PTP4A3: variants seen among roughly 807,000 people sequenced by gnomAD.
PTP4A3 encodes protein tyrosine phosphatase type IVA 3.
Under a neutral mutation model 15.2 loss-of-function variants are expected in PTP4A3, and 9 were observed. That is an observed-to-expected ratio of 0.59 (90% CI 0.36 to 1.03). The LOEUF is 1.03. Among genes scored for constraint, PTP4A3 ranks in the 50% least tolerant of loss-of-function variants. The probability of loss-of-function intolerance (pLI) is 0.02; values close to 1 mark genes in which losing one functional copy is unlikely to be tolerated. For missense variants in PTP4A3, 234 were observed against 252.1 expected, an observed-to-expected ratio of 0.93 and a Z score of 0.49; for synonymous variants, 95 against 102.0, an observed-to-expected ratio of 0.93 and a Z score of 0.41.
chr8:141,395,982 C>T (rs1475599087), intron 1 of PTP4A3, among the ~76,000 whole-genome samples: 1 of 152,226 alleles, frequency 6.6e-6, no homozygotes, highest in African/African-American at 2.4e-5. Context: ...GCTGCCTCCC[C>T]TCTCCCACCC....
chr8:141,426,418 C>T, intron 3 of PTP4A3: 7 of 984,678 alleles, frequency 7.1e-6, no homozygotes, highest in Non-Finnish European at 8.4e-6. Flanking sequence ...GTTTCGAGTC[C>T]TGCCCTCAGA....
intron 1 of PTP4A3, among the ~76,000 whole-genome samples, chr8:141,405,381 C>A (rs1167327073): frequency 6.6e-6 from 1 of 152,228 alleles, no homozygotes; most frequent in Non-Finnish European, 1.5e-5. Context: ...GCCCCCCAAC[C>A]TCCGGGTCCC....
At chr8:141,398,904 G>A (rs1832515864) in intron 1 of PTP4A3, among the ~76,000 whole-genome samples, 1 of 152,004 alleles carries the variant, frequency 6.6e-6, no homozygotes, top group African/African-American at 2.4e-5. Flanking sequence ...CACCCGCCAC[G>A]GAGACCTCGA....
chr8:141,405,590 C>T (rs1184001393), intron 1 of PTP4A3, among the ~76,000 whole-genome samples: 2 of 152,190 alleles, frequency 1.3e-5, no homozygotes, highest in Non-Finnish European at 2.9e-5. Context: ...ACAGGACAGT[C>T]GAATATGTTC....
chr8:141,394,788 G>A (rs564111039), intron 1 of PTP4A3, among the ~76,000 whole-genome samples: 39 of 152,378 alleles, frequency 2.6e-4, no homozygotes, highest in East Asian at 5.8e-4. Context: ...GATGAGCCCC[G>A]TCCTCTCTGC....
intron 1 of PTP4A3, among the ~76,000 whole-genome samples, chr8:141,418,450 C>T (rs1224148292): frequency 2.6e-5 from 4 of 152,202 alleles, no homozygotes; most frequent in African/African-American, 9.6e-5. Context: ...TAACTGGACG[C>T]CTGGTGTGGC....
At chr8:141,407,294 T>C (rs575909392) in intron 1 of PTP4A3, among the ~76,000 whole-genome samples, 12 of 152,324 alleles carry the variant, frequency 7.9e-5, no homozygotes, top group African/African-American at 2.9e-4. Flanking sequence ...TAAGGGTGCA[T>C]CTGGTAGGAC....
intron 4 of PTP4A3, 138 bp downstream of exon 4, chr8:141,427,207 G>A: frequency 7.9e-7 from 1 of 1,269,172 alleles, no homozygotes; most frequent in Non-Finnish European, 1.1e-6. Flanking sequence ...TAGTGCTGGG[G>A]CTCCCAGACT....
intron 4 of PTP4A3, 144 bp downstream of exon 4, chr8:141,427,213 A>G (rs1473231060): frequency 8.4e-7 from 1 of 1,196,656 alleles, no homozygotes; most frequent in African/African-American, 1.6e-5. Flanking sequence ...TGGGGCTCCC[A>G]GACTGGTCCT....
chr8:141,394,063 GCCCT>G (rs995182089), intron 1 of PTP4A3, among the ~76,000 whole-genome samples: 1 of 152,196 alleles, frequency 6.6e-6, no homozygotes, highest in African/African-American at 2.4e-5. Flanking sequence ...GCTGGTGTGA[GCCCT>G]CCCTCTCACC....
rs1033886305 is a variant in PTP4A3, at chr8:141,431,158, C to G, written c.*114C>G. On this transcript the variant is annotated 3_prime_UTR_variant, in exon 6 of 6. Transcript: ENST00000521578. ...AGCAGGGGCTCCAGGCCTTGGCTGG[C>G]CCCACATCGCCTTTTCCTCCCCGAC... is the stretch of plus-strand genomic sequence containing the variant. 5 of 969,464 alleles carry G rather than the reference C, an allele frequency of 5.2e-6. No individual in the cohort carries two copies. Among genetic ancestry groups the G allele is most frequent in the Non-Finnish European group, 8.0e-6 (5 of 628,382 alleles). The allele number at this position is 969,464 out of a possible 1,614,324, so 60.1% of individuals were successfully genotyped here.
At chr8:141,414,912 CCCTGGA>C (rs1832980558) in intron 1 of PTP4A3, among the ~76,000 whole-genome samples, 1 of 152,022 alleles carries the variant, frequency 6.6e-6, no homozygotes, top group Non-Finnish European at 1.5e-5. Flanking sequence ...GTGACCCGGG[CCCTGGA>C]CTGCAGGAAC....
At chr8:141,423,050 G>A (rs565242556) in intron 2 of PTP4A3, among the ~76,000 whole-genome samples, 2 of 152,376 alleles carry the variant, frequency 1.3e-5, no homozygotes, top group African/African-American at 2.4e-5. Flanking sequence ...CGTTGACAGA[G>A]CCTCTGACTG....
At position 141,426,906 on chromosome 8, in the gene PTP4A3, G is replaced by C. The variant is rs747298405; in HGVS notation, c.199-33G>C. Reference sequence around the variant, plus strand: ...AGAGCCGCCTCTCTACCCTCCCTCAGCCGGGGGTCCTCATGTCTGCTTCCC... The same window carrying C: ...AGAGCCGCCTCTCTACCCTCCCTCACCCGGGGGTCCTCATGTCTGCTTCCC... On this transcript the variant is annotated intron_variant, in intron 3 of 5. Coordinates refer to ENST00000521578, the MANE Select transcript of PTP4A3 (RefSeq NM_032611.3). The C allele has an allele frequency of 2.5e-6, 4 of 1,603,192 alleles. No individual in the cohort carries two copies. The East Asian group carries it at 9.0e-5, about 36-fold the overall frequency.
At chr8:141,392,879 A>G (rs1284906664) in intron 1 of PTP4A3, among the ~76,000 whole-genome samples, 1 of 152,204 alleles carries the variant, frequency 6.6e-6, no homozygotes, top group Non-Finnish European at 1.5e-5. Context: ...GGTCCAGGCT[A>G]GCTGGTCACA....
chr8:141,402,144 G>A (rs1462166794), intron 1 of PTP4A3, among the ~76,000 whole-genome samples: 1 of 152,172 alleles, frequency 6.6e-6, no homozygotes, highest in Non-Finnish European at 1.5e-5. Context: ...AACATTGGAG[G>A]CCGCCCTGGG....
intron 1 of PTP4A3, among the ~76,000 whole-genome samples, chr8:141,418,535 C>G (rs918557541): frequency 6.6e-6 from 1 of 152,196 alleles, no homozygotes; most frequent in Non-Finnish European, 1.5e-5. Flanking sequence ...TGGACTCTCC[C>G]TTAAAGGGTC....
chr8:141,422,101 G>T lies in PTP4A3; in HGVS notation c.-140G>T, dbSNP rs1833357563. The T allele has an allele frequency of 3.9e-6, 3 of 778,684 alleles. No individual in the cohort carries two copies. The highest frequency in any genetic ancestry group is 6.3e-6 in the Non-Finnish European group (3 of 477,788). The allele number at this position is 778,684 out of a possible 1,614,324, so 48.2% of individuals were successfully genotyped here. A position where few individuals can be genotyped will look rare whatever the true frequency, so the allele number is the denominator to read the frequency against. On this transcript the variant is annotated 5_prime_UTR_variant, in exon 2 of 6. Coordinates refer to ENST00000521578, the MANE Select transcript of PTP4A3 (RefSeq NM_032611.3). Reference sequence around the variant, plus strand: ...ATATTTGTGCGGGGTATGGGGGTGGGTTTTTAAATCTCGTTTCTCTTGGAC... The same window carrying T: ...ATATTTGTGCGGGGTATGGGGGTGGTTTTTTAAATCTCGTTTCTCTTGGAC...
chr8:141,414,374 G>C (rs1276938039), intron 1 of PTP4A3, among the ~76,000 whole-genome samples: 3 of 152,180 alleles, frequency 2.0e-5, no homozygotes, highest in Non-Finnish European at 4.4e-5. Context: ...AGCCTGGTGG[G>C]TAGACCTGGC....
Sources: allele counts gnomAD v4.1 joint callset (sites outside exome capture counted in the v4.1 genomes callset), GRCh38; gene constraint gnomAD v4.1.1; transcripts MANE v1.5; gene names NCBI Gene and HGNC (gene_info 2026-07-23, HGNC 2026-07-21).